MCTP1: variants seen among roughly 807,000 people sequenced by gnomAD.
The protein encoded by MCTP1 is multiple C2 and transmembrane domain-containing protein 1.
A neutral mutation model predicts 120.6 loss-of-function variants in MCTP1; 69 were observed. That is an observed-to-expected ratio of 0.57 (90% CI 0.47 to 0.70). MCTP1 has a LOEUF of 0.70. MCTP1 is among the 30% of genes least tolerant of loss of function. The pLI, the probability that MCTP1 is intolerant of heterozygous loss-of-function variation, is 0.00. For synonymous variants in MCTP1, 529 were observed against 493.1 expected (o/e 1.07, Z -0.96); for missense variants, 1,203 against 1,248.8 (o/e 0.96, Z 0.55).
At chr5:94,796,872 T>C (rs1344744862) in intron 18 of MCTP1, among the ~76,000 whole-genome samples, 1 of 151,686 alleles carries the variant, frequency 6.6e-6, no homozygotes, top group Non-Finnish European at 1.5e-5. Flanking sequence ...ACAGAATATG[T>C]GGATCTGTGT....
intron 22 of MCTP1, 21 bp from the exon 23 acceptor site, chr5:94,707,588 G>A (rs1736252035): frequency 6.3e-7 from 1 of 1,596,176 alleles, no homozygotes; most frequent in African/African-American, 1.3e-5. Context: ...AGAGTTCAGA[G>A]GAAGACTGGT....
At chr5:94,929,350 G>A (rs546281326) in intron 6 of MCTP1, among the ~76,000 whole-genome samples, 3 of 152,154 alleles carry the variant, frequency 2.0e-5, no homozygotes, top group East Asian at 3.9e-4. Context: ...ATGAAGATGC[G>A]GGAGACCTCA....
chr5:94,835,574 G>T (rs1789544655), intron 17 of MCTP1, among the ~76,000 whole-genome samples: 1 of 152,170 alleles, frequency 6.6e-6, no homozygotes, highest in Non-Finnish European at 1.5e-5. Context: ...CTCAATAGTG[G>T]CTGATTCATA....
At chr5:95,232,841 G>C (rs1016153719) in intron 1 of MCTP1, among the ~76,000 whole-genome samples, 2 of 152,156 alleles carry the variant, frequency 1.3e-5, no homozygotes, top group African/African-American at 4.8e-5. Context: ...GTAGACTGCA[G>C]AATAGTGAAT....
chr5:95,271,121 T>C (rs1306093222), intron 1 of MCTP1, among the ~76,000 whole-genome samples: 1 of 152,132 alleles, frequency 6.6e-6, no homozygotes, highest in Admixed American at 6.5e-5. Context: ...TATATGCTCC[T>C]AGAAAAAGAA....
intron 2 of MCTP1, among the ~76,000 whole-genome samples, chr5:95,005,770 ATTT>A (rs70978157): frequency 0.35 from 22,992 of 64,802 alleles, 1,945 homozygotes; most frequent in East Asian, 0.54. Context: ...TTCTTTCTTT[ATTT>A]TTTTTTTTTT....
At position 95,284,665 on chromosome 5, in the gene MCTP1, C is replaced by T. The variant is rs992730081; in HGVS notation, c.-90G>A. On this transcript the variant is annotated 5_prime_UTR_variant, in exon 1 of 23. Coordinates refer to ENST00000515393, the MANE Select transcript of MCTP1 (RefSeq NM_024717.7). This position sits in a 1 kb window ranked among gnomAD's most constrained non-coding sequence, Gnocchi z 5.2. ...TCGGCTGCACCTCCTCCCGGGTCCCCGCGGCGCTGGCGGTGGCGGCGGCGG... is the reference window on the plus strand; with the variant it reads ...TCGGCTGCACCTCCTCCCGGGTCCCTGCGGCGCTGGCGGTGGCGGCGGCGG... 554 of 1,155,564 alleles carry T rather than the reference C, an allele frequency of 4.8e-4. 1 individual carries two copies. Among genetic ancestry groups the T allele is most frequent in the Non-Finnish European group, 5.7e-4 (500 of 878,498 alleles). 71.6% of individuals were successfully genotyped at this position (1,155,564 alleles called of 1,614,324 possible).
intron 10 of MCTP1, among the ~76,000 whole-genome samples, chr5:94,899,351 G>T (rs572337639): frequency 6.6e-6 from 1 of 152,276 alleles, no homozygotes; most frequent in South Asian, 2.1e-4. Context: ...TCCCCAAAGG[G>T]CTGCTCTTCA....
At chr5:94,991,106 C>A (rs987149127) in intron 2 of MCTP1, among the ~76,000 whole-genome samples, 1 of 152,178 alleles carries the variant, frequency 6.6e-6, no homozygotes, top group African/African-American at 2.4e-5. Flanking sequence ...TACCATTGAG[C>A]AATGGTAAAT....
rs1024753533 is a variant in MCTP1 at position 95,081,874 on chromosome 5, G to A, written c.721-64390C>T. The A allele has an allele frequency of 3.0e-6, 3 of 984,386 alleles. No homozygotes were observed. The African/African-American group carries it at 5.2e-5, about 17-fold the overall frequency. 61.0% of individuals were successfully genotyped at this position (984,386 alleles called of 1,614,324 possible). A position where few individuals can be genotyped will look rare whatever the true frequency, so the allele number is the denominator to read the frequency against. ...AGTCAACCTCTTCCTCATGGCAAAA[G>A]CCACAACAGGAAATGAGAATAACAA... is the stretch of plus-strand genomic sequence containing the variant. On this transcript the variant is annotated intron_variant, in intron 1 of 22. Transcript: ENST00000515393.
At chr5:94,743,109 G>T (rs1267893745) in intron 19 of MCTP1, among the ~76,000 whole-genome samples, 1 of 133,626 alleles carries the variant, frequency 7.5e-6, no homozygotes, top group Non-Finnish European at 1.6e-5. Context: ...CATCTAATAA[G>T]AATCTAATGA....
At position 94,922,671 on chromosome 5, in the gene MCTP1, AG is replaced by A. The variant is rs1293727561; in HGVS notation, c.1272+1290del. Among the ~76,000 whole-genome samples, 8 of 152,090 alleles carry A rather than the reference AG, an allele frequency of 5.3e-5. No individual in the cohort carries two copies. The East Asian group carries it at 1.5e-3, about 29-fold the overall frequency. On this transcript the variant is annotated intron_variant, in intron 7 of 22. Transcript: ENST00000515393. ...GCCTGGCTAATTTTTTGTATTTAGTAGAGACGGGGCTTTGCCATGTTAGTCA... is the reference window on the plus strand; with the variant it reads ...GCCTGGCTAATTTTTTGTATTTAGTAAGACGGGGCTTTGCCATGTTAGTCA...
chr5:95,143,797 G>A (rs1432264664), intron 1 of MCTP1, among the ~76,000 whole-genome samples: 5 of 152,074 alleles, frequency 3.3e-5, no homozygotes, highest in Non-Finnish European at 4.4e-5. Context: ...TCTTTATCCA[G>A]TCCACTGTTG....
At chr5:94,907,667 G>A (rs1807284155) in intron 10 of MCTP1, among the ~76,000 whole-genome samples, 1 of 151,882 alleles carries the variant, frequency 6.6e-6, no homozygotes, top group Admixed American at 6.6e-5. Context: ...AACTCATAAT[G>A]TTATTAAGTG....
intron 1 of MCTP1, among the ~76,000 whole-genome samples, chr5:95,026,647 G>A (rs891411735): frequency 3.3e-5 from 5 of 152,116 alleles, no homozygotes; most frequent in Admixed American, 6.6e-5. Flanking sequence ...TTAAAAAGCA[G>A]GAGGTTTATT....
chr5:95,211,172 G>C (rs1254123120), intron 1 of MCTP1, among the ~76,000 whole-genome samples: 7 of 151,990 alleles, frequency 4.6e-5, no homozygotes. Context: ...CTCTTCTCGA[G>C]GAGTATCTTT....
At chr5:94,872,565 G>A (rs188024696) in intron 13 of MCTP1, among the ~76,000 whole-genome samples, 6 of 152,140 alleles carry the variant, frequency 3.9e-5, no homozygotes, top group East Asian at 1.9e-4. Context: ...TTAAAAAACC[G>A]AACTTAGGAG....
intron 1 of MCTP1, among the ~76,000 whole-genome samples, chr5:95,027,840 G>A (rs1047613069): frequency 2.0e-5 from 3 of 152,098 alleles, no homozygotes; most frequent in African/African-American, 7.2e-5. Flanking sequence ...CGAAAAGAAC[G>A]AGACCGAGCA....
At chr5:94,749,639 A>G (rs557456001) in intron 19 of MCTP1, among the ~76,000 whole-genome samples, 24 of 122,304 alleles carry the variant, frequency 2.0e-4, no homozygotes, top group Non-Finnish European at 2.7e-4. Flanking sequence ...TGGGTGACAG[A>G]GCAAGACTTC....
Sources: allele counts gnomAD v4.1 joint callset (sites outside exome capture counted in the v4.1 genomes callset), GRCh38; gene constraint gnomAD v4.1.1; non-coding constraint Gnocchi (gnomAD v3.1); transcripts MANE v1.5; gene names NCBI Gene and HGNC (gene_info 2026-07-23, HGNC 2026-07-21).